RALYL: variants seen among roughly 807,000 people sequenced by gnomAD.
RALYL encodes the protein RALY RNA binding protein like.
Under a neutral mutation model 35.1 loss-of-function variants are expected in RALYL, and 29 were observed. The ratio of observed to expected loss-of-function variants is 0.83; its 90% CI spans 0.61 to 1.13. The LOEUF (loss-of-function observed/expected upper bound fraction) is 1.13. RALYL is among the 50% of genes most tolerant of loss of function. The pLI, the probability that RALYL is intolerant of heterozygous loss-of-function variation, is 0.00. For synonymous variants in RALYL, 120 were observed against 127.6 expected (o/e 0.94, Z 0.40); for missense variants, 359 against 360.4 (o/e 1.00, Z 0.03).
At chr8:84,491,548 C>T (rs994932610) in intron 1 of RALYL, among the ~76,000 whole-genome samples, 3 of 151,820 alleles carry the variant, frequency 2.0e-5, no homozygotes, top group Admixed American at 6.6e-5. Context: ...TAGCTGATTC[C>T]TACTAATGTT....
At chr8:84,710,376 C>T (rs374400250) in intron 2 of RALYL, among the ~76,000 whole-genome samples, 50 of 152,080 alleles carry the variant, frequency 3.3e-4, no homozygotes, top group African/African-American at 1.2e-3. Flanking sequence ...CAGCTCACTG[C>T]ACTGCAAACT....
chr8:84,222,950 T>G (rs2131325945), intron 1 of RALYL, among the ~76,000 whole-genome samples: 1 of 152,300 alleles, frequency 6.6e-6, no homozygotes, highest in South Asian at 2.1e-4. Flanking sequence ...TGCTACTGCC[T>G]GCCACATCTA....
At chr8:84,382,350 A>T (rs979040193) in intron 1 of RALYL, among the ~76,000 whole-genome samples, 4 of 151,708 alleles carry the variant, frequency 2.6e-5, no homozygotes, top group African/African-American at 9.7e-5. Flanking sequence ...ACACTCTCAA[A>T]TAAATGTTCA....
intron 1 of RALYL, among the ~76,000 whole-genome samples, chr8:84,502,211 T>C (rs1366059476): frequency 6.6e-6 from 1 of 152,020 alleles, no homozygotes; most frequent in East Asian, 1.9e-4. Flanking sequence ...TAGCATAATC[T>C]TTACATATAT....
At chr8:84,524,530 T>C (rs2058728124) in intron 1 of RALYL, among the ~76,000 whole-genome samples, 1 of 152,326 alleles carries the variant, frequency 6.6e-6, no homozygotes, top group South Asian at 2.1e-4. Context: ...AGTGTCTTAG[T>C]GACTCTATCA....
intron 2 of RALYL, among the ~76,000 whole-genome samples, chr8:84,731,415 G>A (rs559908600): frequency 1.3e-5 from 2 of 152,112 alleles, no homozygotes; most frequent in Admixed American, 6.6e-5. Context: ...CTATTTTGGG[G>A]TACAGAGAGG....
intron 2 of RALYL, among the ~76,000 whole-genome samples, chr8:84,595,093 A>G (rs143522683): frequency 7.7e-4 from 117 of 152,298 alleles, no homozygotes; most frequent in African/African-American, 2.6e-3. Flanking sequence ...GTGAGTAAGG[A>G]GTAAATACTG....
intron 2 of RALYL, among the ~76,000 whole-genome samples, chr8:84,531,768 C>G (rs919970790): frequency 6.6e-6 from 1 of 151,984 alleles, no homozygotes; most frequent in Non-Finnish European, 1.5e-5. Flanking sequence ...TTTTAATGAG[C>G]TACAGCTAAT....
At chr8:84,596,312 A>G (rs572013939) in intron 2 of RALYL, among the ~76,000 whole-genome samples, 38 of 152,130 alleles carry the variant, frequency 2.5e-4, no homozygotes, top group African/African-American at 8.9e-4. Context: ...TAGCTCTTCA[A>G]TTGTGTGAGT....
At chr8:84,861,836 C>T (rs1487092294) in intron 5 of RALYL, among the ~76,000 whole-genome samples, 1 of 152,188 alleles carries the variant, frequency 6.6e-6, no homozygotes, top group African/African-American at 2.4e-5. Context: ...ACTGTTTGAA[C>T]AGTAATTTTA....
intron 2 of RALYL, among the ~76,000 whole-genome samples, chr8:84,759,723 G>A (rs1812239433): frequency 6.6e-6 from 1 of 152,242 alleles, no homozygotes; most frequent in East Asian, 1.9e-4. Context: ...TAATATTGAT[G>A]TTGCACAGAT....
At chr8:84,627,860 G>A (rs1384559265) in intron 2 of RALYL, among the ~76,000 whole-genome samples, 4 of 151,750 alleles carry the variant, frequency 2.6e-5, no homozygotes, top group Non-Finnish European at 5.9e-5. Flanking sequence ...ATCCTTCAAT[G>A]TACCCTATCA....
intron 8 of RALYL, among the ~76,000 whole-genome samples, chr8:84,893,059 C>A (rs939984086): frequency 2.0e-5 from 3 of 152,104 alleles, no homozygotes; most frequent in Admixed American, 1.3e-4. Flanking sequence ...TACAATGCAG[C>A]ATGTCATGGT....
chr8:84,686,375 T>C (rs749623400), intron 2 of RALYL, among the ~76,000 whole-genome samples: 3 of 151,056 alleles, frequency 2.0e-5, no homozygotes, highest in Non-Finnish European at 4.4e-5. Flanking sequence ...GCATGTTATT[T>C]AGCTATATTA....
intron 2 of RALYL, among the ~76,000 whole-genome samples, chr8:84,603,128 C>G (rs563445479): frequency 8.6e-5 from 13 of 151,974 alleles, no homozygotes; most frequent in African/African-American, 2.9e-4. Context: ...AAAAGAACAG[C>G]AATTATAAAT....
chr8:84,184,243 T>A lies in RALYL; in HGVS notation c.-205T>A, dbSNP rs572818411. 6.6e-6 allele frequency: 1 copy of A among 152,448 alleles called. No individual in the cohort carries two copies. Among genetic ancestry groups the A allele is most frequent in the East Asian group, 1.9e-4 (1 of 5,180 alleles). 9.4% of individuals were successfully genotyped at this position (152,448 alleles called of 1,614,324 possible). On this transcript the variant is annotated 5_prime_UTR_variant, in exon 1 of 9. Coordinates refer to ENST00000521268, the MANE Select transcript of RALYL (RefSeq NM_173848.7). ...CTTTTTTAAAAAACCGAGATAATTT[T>A]ATGATAGATATCCTGATATCTATAT...
At chr8:84,447,521 T>A (rs1429034370) in intron 1 of RALYL, among the ~76,000 whole-genome samples, 1 of 152,030 alleles carries the variant, frequency 6.6e-6, no homozygotes, top group Non-Finnish European at 1.5e-5. Context: ...CTGATTTGTT[T>A]GAGAGAGTAA....
chr8:84,488,885 G>A (rs1302932497), intron 1 of RALYL, among the ~76,000 whole-genome samples: 1 of 152,010 alleles, frequency 6.6e-6, no homozygotes, highest in Admixed American at 6.6e-5. Context: ...CAAATAGCAT[G>A]TGTGTTTTAG....
chr8:84,388,086 T>C (rs1215302539), intron 1 of RALYL, among the ~76,000 whole-genome samples: 1 of 152,008 alleles, frequency 6.6e-6, no homozygotes, highest in Admixed American at 6.6e-5. Flanking sequence ...AGTGAGAATA[T>C]GTGGTGTTTG....
Sources: gnomAD v4.1 joint callset for allele counts (sites outside exome capture counted in the v4.1 genomes callset) on GRCh38, gnomAD v4.1.1 for gene constraint, MANE v1.5 for transcripts, NCBI Gene and HGNC (gene_info 2026-07-23, HGNC 2026-07-21) for gene names.